CLVS1: variants seen among roughly 807,000 people sequenced by gnomAD.
CLVS1 encodes clavesin 1.
In CLVS1, 10 loss-of-function variants were observed where a neutral mutation model predicts 33.1. That is an observed-to-expected ratio of 0.30 (90% CI 0.19 to 0.51). The LOEUF (loss-of-function observed/expected upper bound fraction) is 0.51. Ranked by LOEUF, CLVS1 falls within the 20% of genes least tolerant of loss-of-function variation. The pLI is 0.97. For synonymous variants in CLVS1, 163 were observed against 166.1 expected, an observed-to-expected ratio of 0.98 and a Z score of 0.14; for missense variants, 343 against 433.4, an observed-to-expected ratio of 0.79 and a Z score of 1.85.
chr8:61,038,985 A>T, the CLVS1 span, among the ~76,000 whole-genome samples: 1 of 152,214 alleles, frequency 6.6e-6, no homozygotes, highest in East Asian at 1.9e-4. Context: ...CCCTTAGGAT[A>T]TGAAAATATT....
At chr8:61,073,875 G>C (rs1277439548) in intron 1 of CLVS1, among the ~76,000 whole-genome samples, 1 of 151,762 alleles carries the variant, frequency 6.6e-6, no homozygotes, top group African/African-American at 2.4e-5. Flanking sequence ...AGCCGGGCTA[G>C]GTGGCGGGCG....
intron 1 of CLVS1, among the ~76,000 whole-genome samples, chr8:61,113,216 G>A (rs1485207456): frequency 6.6e-6 from 1 of 152,196 alleles, no homozygotes; most frequent in Non-Finnish European, 1.5e-5. Context: ...AAATACATGG[G>A]GCGGGGAGTT....
chr8:61,046,969 A>G, the CLVS1 span, among the ~76,000 whole-genome samples: 1 of 152,140 alleles, frequency 6.6e-6, no homozygotes, highest in East Asian at 1.9e-4. Flanking sequence ...TTCCTAATTG[A>G]ATACCCTTTA....
intron 2 of CLVS1, among the ~76,000 whole-genome samples, chr8:61,318,271 G>C (rs749546626): frequency 2.0e-5 from 3 of 152,146 alleles, no homozygotes; most frequent in Non-Finnish European, 4.4e-5. Context: ...GTGTTCTGTA[G>C]TTGTGTTAAG....
chr8:61,317,003 T>C (rs1001679458), intron 2 of CLVS1, among the ~76,000 whole-genome samples: 1 of 152,200 alleles, frequency 6.6e-6, no homozygotes, highest in African/African-American at 2.4e-5. Context: ...GGTCAACTAT[T>C]TTTATTATTC....
intron 2 of CLVS1, among the ~76,000 whole-genome samples, chr8:61,175,450 T>C (rs1807095858): frequency 6.6e-6 from 1 of 152,176 alleles, no homozygotes; most frequent in African/African-American, 2.4e-5. Flanking sequence ...TGTTTGTTGT[T>C]TATAGGCCAT....
At chr8:61,426,674 G>A (rs1815906919) in intron 3 of CLVS1, among the ~76,000 whole-genome samples, 1 of 152,194 alleles carries the variant, frequency 6.6e-6, no homozygotes, top group Non-Finnish European at 1.5e-5. Flanking sequence ...TTTGCCTGGT[G>A]TTTGAGGACC....
chr8:61,184,986 ATATT>A lies in CLVS1; in HGVS notation c.-152+53130_-152+53133del, dbSNP rs1211056944. Among the ~76,000 whole-genome samples the A allele has an allele frequency of 5.9e-5, 9 of 152,336 alleles. No homozygotes were observed. In the East Asian group the frequency reaches 1.5e-3, roughly 26 times the overall value. On this transcript the variant is annotated intron_variant, in intron 2 of 2. Coordinates refer to the CLVS1 transcript ENST00000522621. ...AATATTTTCGTGAATATATGTGTGT[ATATT>A]TATGTTTACATGTGTGTATATAATG...
the CLVS1 span, among the ~76,000 whole-genome samples, chr8:61,000,990 T>G: frequency 6.6e-6 from 1 of 152,208 alleles, no homozygotes; most frequent in Non-Finnish European, 1.5e-5. Context: ...TTCAATGGAC[T>G]TTCTTGTCTG....
chr8:61,146,941 C>T (rs183694061), intron 2 of CLVS1, among the ~76,000 whole-genome samples: 181 of 152,336 alleles, frequency 1.2e-3, no homozygotes, highest in African/African-American at 4.1e-3. Flanking sequence ...GTTAAAGACA[C>T]CCTTTAGGTA....
the CLVS1 span, among the ~76,000 whole-genome samples, chr8:60,983,714 G>A: frequency 6.6e-6 from 1 of 152,310 alleles, no homozygotes; most frequent in Admixed American, 6.5e-5. Flanking sequence ...TTGGCAGAGG[G>A]AATTGGCACC....
At chr8:61,485,846 C>T (rs563443436) in intron 5 of CLVS1, among the ~76,000 whole-genome samples, 272 of 152,128 alleles carry the variant, frequency 1.8e-3, no homozygotes, top group African/African-American at 6.2e-3. Context: ...ATTGCAAGGA[C>T]AGAAAACCAA....
chr8:61,396,039 G>A (rs1449026303), intron 3 of CLVS1, among the ~76,000 whole-genome samples: 1 of 152,086 alleles, frequency 6.6e-6, no homozygotes, highest in Non-Finnish European at 1.5e-5. Context: ...ATGGAAACTC[G>A]GACTGAATTC....
rs13439529 is a variant in CLVS1 at position 61,362,418 on chromosome 8, C to T, written c.456-14187C>T. Reference sequence around the variant, plus strand: ...TGTCAAGCACACTGGACCTAGGAGTCGGGAACCTTGTACCCACTGTACACA... The same window carrying T: ...TGTCAAGCACACTGGACCTAGGAGTTGGGAACCTTGTACCCACTGTACACA... On this transcript the variant is annotated intron_variant, in intron 2 of 5. Transcript: ENST00000325897. Among the ~76,000 whole-genome samples the T allele has an allele frequency of 9.5e-3, 1,440 of 152,252 alleles. 35 individuals carry two copies. The highest frequency in any genetic ancestry group is 0.032 in the African/African-American group (1,342 of 41,544).
intron 2 of CLVS1, among the ~76,000 whole-genome samples, chr8:61,262,847 A>G (rs1809234195): frequency 2.0e-5 from 3 of 152,154 alleles, no homozygotes; most frequent in African/African-American, 7.2e-5. Flanking sequence ...ATTCAGAGCT[A>G]CAGCAGCAAA....
chr8:61,443,461 G>A (rs1272627640), intron 3 of CLVS1, among the ~76,000 whole-genome samples: 1 of 152,036 alleles, frequency 6.6e-6, no homozygotes, highest in Admixed American at 6.6e-5. Context: ...TGTTTTCTCT[G>A]TGGATGTCCT....
At chr8:61,466,304 A>G (rs539168108) in intron 5 of CLVS1, among the ~76,000 whole-genome samples, 12 of 152,360 alleles carry the variant, frequency 7.9e-5, no homozygotes, top group Admixed American at 1.3e-4. Context: ...AGTAATGGCC[A>G]CAAGAACCAG....
chr8:61,212,416 C>T (rs774823729), intron 2 of CLVS1, among the ~76,000 whole-genome samples: 1 of 152,128 alleles, frequency 6.6e-6, no homozygotes, highest in South Asian at 2.1e-4. Context: ...GCAGATGCAG[C>T]GGGGGCTGGA....
chr8:61,173,182 A>G (rs541360672), intron 2 of CLVS1, among the ~76,000 whole-genome samples: 1 of 152,310 alleles, frequency 6.6e-6, no homozygotes, highest in East Asian at 1.9e-4. Context: ...ACAAGTAGAT[A>G]GGGTATTAGT....
Sources: allele counts gnomAD v4.1 joint callset (sites outside exome capture counted in the v4.1 genomes callset), GRCh38; gene constraint gnomAD v4.1.1; transcripts MANE v1.5; gene names NCBI Gene and HGNC (gene_info 2026-07-23, HGNC 2026-07-21).